L2HGDH: variants seen among roughly 807,000 people sequenced by gnomAD.
L2HGDH encodes L-2-hydroxyglutarate dehydrogenase, mitochondrial.
A neutral mutation model predicts 51.5 loss-of-function variants in L2HGDH; 34 were observed. The ratio of observed to expected loss-of-function variants is 0.66; its 90% CI spans 0.50 to 0.88. The LOEUF (loss-of-function observed/expected upper bound fraction) is 0.88. Ranked by LOEUF, L2HGDH falls within the 40% of genes least tolerant of loss-of-function variation. The pLI is 0.00. For synonymous variants in L2HGDH, 198 were observed against 197.9 expected (o/e 1.00, Z -0.01); for missense variants, 558 against 571.9 (o/e 0.98, Z 0.25).
At chr14:50,250,786 A>AT in intron 9 of L2HGDH, among the ~76,000 whole-genome samples, 2 of 152,368 alleles carry the variant, frequency 1.3e-5, no homozygotes, top group Admixed American at 1.3e-4. Flanking sequence ...ATTCTTCTGG[A>AT]TCTTATCCAA....
chr14:50,275,906 A>C (rs753427825), intron 6 of L2HGDH, among the ~76,000 whole-genome samples: 9 of 152,164 alleles, frequency 5.9e-5, no homozygotes, highest in Non-Finnish European at 8.8e-5. Context: ...TTAGTTCCCA[A>C]GGGAGAAGTA....
chr14:50,267,529 T>G (rs1007863040), intron 8 of L2HGDH, among the ~76,000 whole-genome samples: 3 of 152,156 alleles, frequency 2.0e-5, no homozygotes, highest in African/African-American at 7.2e-5. Context: ...TTGAAGTAGT[T>G]AAAATGTTAT....
chr14:50,311,961 T>C, intron 1 of L2HGDH, 50 bp downstream of exon 1: 3 of 1,540,134 alleles, frequency 1.9e-6, no homozygotes. Context: ...ACCAGGTGCC[T>C]CCGCGAGGGG....
chr14:50,258,926 C>T (rs1433099918), intron 9 of L2HGDH, among the ~76,000 whole-genome samples: 5 of 151,430 alleles, frequency 3.3e-5, no homozygotes, highest in Non-Finnish European at 1.5e-5. Context: ...ACTGCTGCCT[C>T]GACCACTAGG....
intron 9 of L2HGDH, among the ~76,000 whole-genome samples, chr14:50,255,900 T>G (rs989350063): frequency 2.6e-5 from 4 of 151,486 alleles, no homozygotes; most frequent in African/African-American, 7.3e-5. Flanking sequence ...TCATGGCACA[T>G]GCTTGTAATC....
At chr14:50,311,927 T>TA in intron 1 of L2HGDH, 84 bp downstream of exon 1, 2 of 1,519,126 alleles carry the variant, frequency 1.3e-6, no homozygotes, top group East Asian at 4.9e-5. Flanking sequence ...GACAGGGAAA[T>TA]ACGAACAGGG....
At chr14:50,303,989 G>C (rs2030581828) in intron 1 of L2HGDH, among the ~76,000 whole-genome samples, 2 of 152,094 alleles carry the variant, frequency 1.3e-5, no homozygotes, top group African/African-American at 4.8e-5. Flanking sequence ...CATAGGGTTA[G>C]GTTCTAAGAA....
chr14:50,267,576 G>A (rs1406966280), intron 8 of L2HGDH, among the ~76,000 whole-genome samples, 177 bp downstream of exon 8: 1 of 151,690 alleles, frequency 6.6e-6, no homozygotes, highest in African/African-American at 2.4e-5. Flanking sequence ...TTGTTTGTTT[G>A]TTTGTTTGTT....
chr14:50,259,366 G>GTTTT (rs34041934), intron 9 of L2HGDH, among the ~76,000 whole-genome samples: 11 of 130,690 alleles, frequency 8.4e-5, no homozygotes, highest in African/African-American at 2.0e-4. Flanking sequence ...TTCTTTTTCG[G>GTTTT]TTTTTTTTTT....
intron 5 of L2HGDH, among the ~76,000 whole-genome samples, chr14:50,279,678 T>C (rs1890155851): frequency 6.6e-6 from 1 of 151,530 alleles, no homozygotes; most frequent in South Asian, 2.1e-4. Flanking sequence ...CAACTCTTTT[T>C]ATTATTTAAA....
At chr14:50,282,371 T>G (rs1890322796) in intron 5 of L2HGDH, 2 of 446,156 alleles carry the variant, frequency 4.5e-6, no homozygotes, top group Admixed American at 2.4e-5. Context: ...GCTTCCACCT[T>G]CCTGTTGTGC....
chr14:50,312,214 A>C lies in L2HGDH; in HGVS notation c.-64T>G, dbSNP rs1595170303. On this transcript the variant is annotated 5_prime_UTR_variant, in exon 1 of 10. Transcript: ENST00000267436. ...GCCACTTGACCCTCCACGGCCGAGG[A>C]CCCGCGCTCTTTAGCCCCGCCCCTC... 6.3e-7 allele frequency: 1 copy of C among 1,588,658 alleles called. No individual in the cohort carries two copies. The highest frequency in any genetic ancestry group is 8.5e-7 in the Non-Finnish European group (1 of 1,171,502).
At chr14:50,299,400 G>A (rs1315083491) in intron 3 of L2HGDH, among the ~76,000 whole-genome samples, 1 of 152,134 alleles carries the variant, frequency 6.6e-6, no homozygotes, top group Non-Finnish European at 1.5e-5. Flanking sequence ...AACATTTAAA[G>A]AAGAACTAAT....
intron 9 of L2HGDH, among the ~76,000 whole-genome samples, chr14:50,256,707 T>C (rs1346307056): frequency 6.6e-6 from 1 of 152,092 alleles, no homozygotes; most frequent in Non-Finnish European, 1.5e-5. Context: ...TCTTCACTTA[T>C]TGAGTTTTCT....
intron 6 of L2HGDH, among the ~76,000 whole-genome samples, chr14:50,274,356 A>G (rs1057290047): frequency 1.3e-5 from 2 of 150,866 alleles, no homozygotes; most frequent in African/African-American, 2.4e-5. Context: ...CACATAGCCA[A>G]CTGATATATG....
intron 9 of L2HGDH, among the ~76,000 whole-genome samples, chr14:50,259,116 T>C (rs1173301472): frequency 6.6e-6 from 1 of 150,748 alleles, no homozygotes; most frequent in East Asian, 2.0e-4. Context: ...CCACCCAAAG[T>C]GCTAGGATTA....
rs576962003 is a variant in L2HGDH, at chr14:50,288,279, G to A, written c.541-4246C>T. On this transcript the variant is annotated intron_variant, in intron 4 of 9. Transcript: ENST00000267436. ...TGTTTAATAACGTGTATAGGAAGCTGTTGTTTTGCATTGAGCTTCTGTATT... is the reference window on the plus strand; with the variant it reads ...TGTTTAATAACGTGTATAGGAAGCTATTGTTTTGCATTGAGCTTCTGTATT... Among the ~76,000 whole-genome samples the A allele has an allele frequency of 2.6e-4, 40 of 152,316 alleles. No individual in the cohort carries two copies. In the South Asian group the frequency reaches 8.3e-3, roughly 32 times the overall value.
chr14:50,301,096 C>G (rs73277317), intron 3 of L2HGDH, among the ~76,000 whole-genome samples: 1,580 of 152,292 alleles, frequency 0.01, 22 homozygotes, highest in South Asian at 0.034. Context: ...ATAAAAGACA[C>G]TCAACATCAT....
At chr14:50,304,704 G>A (rs1259636766) in intron 1 of L2HGDH, among the ~76,000 whole-genome samples, 5 of 152,042 alleles carry the variant, frequency 3.3e-5, no homozygotes, top group African/African-American at 4.8e-5. Flanking sequence ...GCGTGGTGGC[G>A]GGCACCTGTA....
Sources: allele counts gnomAD v4.1 joint callset (sites outside exome capture counted in the v4.1 genomes callset), GRCh38; gene constraint gnomAD v4.1.1; transcripts MANE v1.5; gene names NCBI Gene and HGNC (gene_info 2026-07-23, HGNC 2026-07-21).